Variants in CFAP47 observed in about 807,000 individuals in gnomAD.
CFAP47 encodes the protein cilia and flagella associated protein 47, also known as cilia- and flagella-associated protein 47.
In CFAP47, 29 loss-of-function variants were observed where a neutral mutation model predicts 148.1. The observed-to-expected ratio is 0.20, with a 90% CI of 0.15 to 0.27. CFAP47 has a LOEUF of 0.27. Ranked by LOEUF, CFAP47 falls within the 10% of genes least tolerant of loss-of-function variation. The pLI, the probability that CFAP47 is intolerant of heterozygous loss-of-function variation, is 1.00. For missense variants in CFAP47, 1,872 were observed against 1,697.5 expected (o/e 1.10, Z -1.81); for synonymous variants, 664 against 577.3 (o/e 1.15, Z -2.15).
At chrX:36,176,429 C>T (rs1267727363) in intron 39 of CFAP47, among the ~76,000 whole-genome samples, 2 of 112,433 alleles carry the variant, frequency 1.8e-5, no homozygotes, top group Non-Finnish European at 3.7e-5. Context: ...GCTCTTGCTT[C>T]TCAAAGTGTT....
At chrX:36,293,099 AACAAT>A (rs782030432) in intron 51 of CFAP47, among the ~76,000 whole-genome samples, 1 of 111,256 alleles carries the variant, frequency 9.0e-6, no homozygotes, top group Non-Finnish European at 1.9e-5. Context: ...AACAGTGATG[AACAAT>A]ACAAGCAAGG....
chrX:35,954,436 A>C (rs1445402874), intron 7 of CFAP47, among the ~76,000 whole-genome samples: 1 of 111,389 alleles, frequency 9.0e-6, no homozygotes, highest in African/African-American at 3.3e-5. Context: ...GATATTGAGC[A>C]GGATTTAACT....
chrX:36,061,338 C>T (rs752823176), intron 26 of CFAP47, among the ~76,000 whole-genome samples: 5 of 111,565 alleles, frequency 4.5e-5, no homozygotes, highest in Non-Finnish European at 9.4e-5. Context: ...TATAGCAATA[C>T]GAGAATGAAC....
chrX:36,233,500 A>T (rs1199208046), intron 46 of CFAP47, among the ~76,000 whole-genome samples: 1 of 110,848 alleles, frequency 9.0e-6, no homozygotes, highest in Non-Finnish European at 1.9e-5. Flanking sequence ...TTTTGAGCCT[A>T]TGTGTGTCTC....
intron 13 of CFAP47, among the ~76,000 whole-genome samples, chrX:35,974,203 G>A (rs1936536142): frequency 8.9e-6 from 1 of 112,147 alleles, no homozygotes; most frequent in Admixed American, 9.5e-5. Context: ...GTATATTTGA[G>A]CAGAGACAGA....
chrX:36,292,268 C>T (rs187848603), intron 51 of CFAP47, among the ~76,000 whole-genome samples: 8 of 111,234 alleles, frequency 7.2e-5, no homozygotes, highest in Admixed American at 3.8e-4. Context: ...AAAGGAATGA[C>T]GATGGTGTTT....
intron 33 of CFAP47, among the ~76,000 whole-genome samples, chrX:36,114,546 A>G (rs906868329): frequency 9.0e-6 from 1 of 111,094 alleles, no homozygotes; most frequent in South Asian, 3.8e-4. Flanking sequence ...TTATTTTATG[A>G]CCTTGAGAGT....
intron 22 of CFAP47, among the ~76,000 whole-genome samples, chrX:36,025,083 C>T (rs989687521): frequency 3.6e-5 from 4 of 111,416 alleles, no homozygotes; most frequent in Admixed American, 9.5e-5. Flanking sequence ...GTGACCTAAA[C>T]GTCATCATAA....
intron 13 of CFAP47, 122 bp from the exon 14 acceptor site, chrX:35,975,025 T>C (rs948143321): frequency 1.7e-5 from 7 of 407,611 alleles, no homozygotes; most frequent in Non-Finnish European, 2.8e-5. Flanking sequence ...TTATTGTAAA[T>C]ATTTTTTAAA....
At chrX:35,962,579 C>A (rs1936345311) in intron 8 of CFAP47, among the ~76,000 whole-genome samples, 1 of 110,711 alleles carries the variant, frequency 9.0e-6, no homozygotes, top group Non-Finnish European at 1.9e-5. Context: ...AGAACTTTTT[C>A]TATCAATATC....
chrX:35,945,862 TCTC>T (rs1452062955), intron 3 of CFAP47, among the ~76,000 whole-genome samples: 3 of 105,466 alleles, frequency 2.8e-5, no homozygotes, highest in Non-Finnish European at 5.8e-5. Flanking sequence ...TTCTTCTTCT[TCTC>T]CTTCTCTTTT....
At chrX:36,260,006 C>A (rs1173209412) in intron 49 of CFAP47, among the ~76,000 whole-genome samples, 1 of 111,120 alleles carries the variant, frequency 9.0e-6, no homozygotes, top group Non-Finnish European at 1.9e-5. Flanking sequence ...AGGATAATGG[C>A]CTCCAGATGC....
intron 59 of CFAP47, among the ~76,000 whole-genome samples, chrX:36,353,041 A>G (rs1414483484): frequency 9.0e-6 from 1 of 110,907 alleles, no homozygotes; most frequent in Non-Finnish European, 1.9e-5. Context: ...TGAATCTAAT[A>G]GGAAATATTT....
chrX:36,194,256 C>T (rs1555986926), intron 42 of CFAP47, among the ~76,000 whole-genome samples: 1 of 111,448 alleles, frequency 9.0e-6, no homozygotes, highest in African/African-American at 3.3e-5. Flanking sequence ...GATCCCTGCA[C>T]TCAAGGGACT....
intron 42 of CFAP47, among the ~76,000 whole-genome samples, chrX:36,197,051 G>T (rs1166496912): frequency 9.0e-6 from 1 of 111,446 alleles, no homozygotes; most frequent in Non-Finnish European, 1.9e-5. Context: ...ATAATGTTCT[G>T]ACACAGGCAA....
At chrX:36,341,477 G>T (rs1287124019) in intron 57 of CFAP47, among the ~76,000 whole-genome samples, 1 of 111,159 alleles carries the variant, frequency 9.0e-6, no homozygotes, top group Admixed American at 9.6e-5. Context: ...AAAATGAATT[G>T]CCCAAGTTGA....
At position 36,013,609 on chromosome X, in the gene CFAP47, T is replaced by C. The variant is rs1283372253; in HGVS notation, c.3418-1165T>C. ...TCGATGGTTAATGGGTACAAAAACA[T>C]AGTTAAAAAGAATGAATCAAGACCT... On this transcript the variant is annotated intron_variant, in intron 21 of 63. Transcript: ENST00000378653. 2.7e-5 allele frequency among the ~76,000 whole-genome samples: 3 copies of C among 110,885 alleles called. No individual in the cohort carries two copies. The Admixed American group carries it at 2.9e-4, about 11-fold the overall frequency.
At chrX:36,164,699 A>G (rs1303601960) in intron 39 of CFAP47, among the ~76,000 whole-genome samples, 1 of 111,762 alleles carries the variant, frequency 8.9e-6, no homozygotes. Context: ...GCAAACACCC[A>G]TGATATCATT....
At chrX:36,146,803 G>A (rs187648904) in intron 36 of CFAP47, among the ~76,000 whole-genome samples, 11,387 of 98,237 alleles carry the variant, frequency 0.12, 772 homozygotes, top group East Asian at 0.28. Flanking sequence ...TTTTTGAGAC[G>A]GAGTTTCACT....
Sources: gnomAD v4.1 joint callset for allele counts (sites outside exome capture counted in the v4.1 genomes callset) on GRCh38, gnomAD v4.1.1 for gene constraint, MANE v1.5 for transcripts, NCBI Gene and HGNC (gene_info 2026-07-23, HGNC 2026-07-21) for gene names.